TEX11: variants seen among roughly 807,000 people sequenced by gnomAD.
The protein encoded by TEX11 is testis expressed 11.
Under a neutral mutation model 84.4 loss-of-function variants are expected in TEX11, and 7 were observed. The observed-to-expected ratio is 0.08, with a 90% CI of 0.05 to 0.16. The LOEUF is 0.16. TEX11 is among the 10% of genes least tolerant of loss of function. TEX11 has a pLI of 1.00. For synonymous variants in TEX11, 264 were observed against 222.8 expected (o/e 1.18, Z -1.64); for missense variants, 551 against 660.5 (o/e 0.83, Z 1.82).
intron 16 of TEX11, among the ~76,000 whole-genome samples, chrX:70,667,750 AC>A (rs1373238856): frequency 9.0e-6 from 1 of 111,087 alleles, no homozygotes; most frequent in Non-Finnish European, 1.9e-5. Context: ...AAAAGGTGAA[AC>A]CCTGTCTCTA....
chrX:70,617,611 G>A (rs1292654075), intron 20 of TEX11, among the ~76,000 whole-genome samples: 1 of 109,842 alleles, frequency 9.1e-6, no homozygotes, highest in Admixed American at 9.9e-5. Flanking sequence ...AAGTATAAGT[G>A]GGAGCTAAAT....
chrX:70,720,609 C>G (rs1407248052), intron 13 of TEX11, among the ~76,000 whole-genome samples: 1 of 110,095 alleles, frequency 9.1e-6, no homozygotes, highest in African/African-American at 3.3e-5. Flanking sequence ...GAGCTAATGC[C>G]TGGGCAATCT....
At chrX:70,806,867 G>A in intron 8 of TEX11, 77 bp from the exon 9 acceptor site, 1 of 679,279 alleles carries the variant, frequency 1.5e-6, no homozygotes, top group Non-Finnish European at 2.2e-6. Context: ...AGGTGGCAGT[G>A]AGCCATGACG....
intron 7 of TEX11, among the ~76,000 whole-genome samples, chrX:70,850,104 C>A (rs1211390368): frequency 2.7e-5 from 3 of 112,081 alleles, no homozygotes; most frequent in Non-Finnish European, 5.6e-5. Flanking sequence ...AAGCCAAAAT[C>A]TGTCTTCCTA....
intron 2 of TEX11, among the ~76,000 whole-genome samples, chrX:70,892,910 C>A (rs2091746452): frequency 9.0e-6 from 1 of 110,575 alleles, no homozygotes; most frequent in Admixed American, 9.7e-5. Context: ...CAATCCTAGT[C>A]TCTGATAAAA....
At chrX:70,820,007 C>T (rs1292430161) in intron 8 of TEX11, among the ~76,000 whole-genome samples, 1 of 111,900 alleles carries the variant, frequency 8.9e-6, no homozygotes, top group Admixed American at 9.5e-5. Flanking sequence ...AAATGATCTA[C>T]AGATTCAATG....
intron 9 of TEX11, among the ~76,000 whole-genome samples, chrX:70,744,978 C>A (rs2090759669): frequency 9.2e-6 from 1 of 108,837 alleles, no homozygotes; most frequent in South Asian, 4.0e-4. Context: ...GCCTCAGCCT[C>A]CCAAAGTGTT....
At chrX:70,706,790 T>A (rs773724850) in intron 13 of TEX11, among the ~76,000 whole-genome samples, 1 of 110,937 alleles carries the variant, frequency 9.0e-6, no homozygotes, top group Non-Finnish European at 1.9e-5. Context: ...CAACCTAGTT[T>A]CAGGCTCTTA....
chrX:70,560,595 C>T (rs965572601), intron 25 of TEX11, among the ~76,000 whole-genome samples: 24 of 111,660 alleles, frequency 2.1e-4, no homozygotes, highest in East Asian at 1.1e-3. Context: ...CTTTTCTCAA[C>T]GGTATCTTTT....
chrX:70,825,235 C>A (rs969069281), intron 8 of TEX11, among the ~76,000 whole-genome samples: 7 of 109,724 alleles, frequency 6.4e-5, no homozygotes, highest in African/African-American at 2.3e-4. Context: ...GCGCTTGAAC[C>A]CGGGAAATGG....
intron 9 of TEX11, among the ~76,000 whole-genome samples, chrX:70,761,299 A>T (rs1304233001): frequency 1.8e-5 from 2 of 112,119 alleles, no homozygotes. Context: ...TACTATAAAG[A>T]CACATGCACA....
intron 8 of TEX11, among the ~76,000 whole-genome samples, 188 bp from the exon 9 acceptor site, chrX:70,806,978 C>T (rs967678885): frequency 7.1e-5 from 8 of 112,225 alleles, no homozygotes; most frequent in African/African-American, 2.3e-4. Context: ...AAATAAGCTT[C>T]CTTATCAAAA....
chrX:70,599,993 T>C (rs1304536681), intron 24 of TEX11, among the ~76,000 whole-genome samples: 2 of 110,838 alleles, frequency 1.8e-5, no homozygotes, highest in Non-Finnish European at 3.8e-5. Context: ...TGTGCATGTG[T>C]ATTTATAGCA....
At chrX:70,864,320 A>C (rs2091586100) in intron 4 of TEX11, among the ~76,000 whole-genome samples, 1 of 111,401 alleles carries the variant, frequency 9.0e-6, no homozygotes, top group Non-Finnish European at 1.9e-5. Flanking sequence ...AAACATATTA[A>C]GGGCAGCCAG....
At chrX:70,736,308 G>T (rs1160686860) in intron 11 of TEX11, among the ~76,000 whole-genome samples, 2 of 110,822 alleles carry the variant, frequency 1.8e-5, no homozygotes, top group Non-Finnish European at 3.8e-5. Flanking sequence ...AGTTCCAGCA[G>T]ATATGAAGCA....
chrX:70,744,884 T>C (rs966354922), intron 9 of TEX11, among the ~76,000 whole-genome samples: 3 of 108,330 alleles, frequency 2.8e-5, no homozygotes, highest in African/African-American at 1.0e-4. Context: ...CTAATTTTTT[T>C]TTTTTTTTGT....
chrX:70,566,984 G>A lies in TEX11; in HGVS notation c.2141-12184C>T, dbSNP rs185056561. Reference sequence around the variant, plus strand: ...GAATAGTTTCAGAAGGAATGGTACCGGTTCCTCCTTGTACCTCTGGTAGAA... The same window carrying A: ...GAATAGTTTCAGAAGGAATGGTACCAGTTCCTCCTTGTACCTCTGGTAGAA... On this transcript the variant is annotated intron_variant, in intron 25 of 29. Transcript: ENST00000374333. 4.5e-4 allele frequency among the ~76,000 whole-genome samples: 50 copies of A among 111,270 alleles called. No homozygotes were observed. In the East Asian group the frequency reaches 9.3e-3, roughly 21 times the overall value.
chrX:70,718,975 C>T (rs1412749429), intron 13 of TEX11, among the ~76,000 whole-genome samples: 2 of 111,394 alleles, frequency 1.8e-5, no homozygotes, highest in African/African-American at 6.5e-5. Context: ...TGAAAGAACC[C>T]TTTAATAAAT....
intron 9 of TEX11, among the ~76,000 whole-genome samples, chrX:70,789,675 T>G (rs925753696): frequency 1.8e-5 from 2 of 112,333 alleles, no homozygotes; most frequent in African/African-American, 6.5e-5. Context: ...AGGAAACCCT[T>G]GTACATTGTC....
Sources: allele counts gnomAD v4.1 joint callset (sites outside exome capture counted in the v4.1 genomes callset), GRCh38; gene constraint gnomAD v4.1.1; transcripts MANE v1.5; gene names NCBI Gene and HGNC (gene_info 2026-07-23, HGNC 2026-07-21).